CSMD1: variants seen among roughly 807,000 people sequenced by gnomAD.
CSMD1 encodes CUB and sushi domain-containing protein 1.
A neutral mutation model predicts 417.5 loss-of-function variants in CSMD1; 213 were observed. That is an observed-to-expected ratio of 0.51 (90% confidence interval 0.46 to 0.57). The LOEUF is 0.57. Ranked by LOEUF, CSMD1 falls within the 20% of genes least tolerant of loss-of-function variation. The pLI is 0.00. For synonymous variants in CSMD1, 2,862 were observed against 1,736.8 expected (o/e 1.65, Z -16.11); for missense variants, 6,923 against 4,529.7 (o/e 1.53, Z -15.17).
intron 3 of CSMD1, among the ~76,000 whole-genome samples, chr8:4,218,329 G>A (rs1036178438): frequency 6.6e-6 from 1 of 152,098 alleles, no homozygotes; most frequent in African/African-American, 2.4e-5. Flanking sequence ...ATTCATTAAT[G>A]CAGAATATTC....
rs555220463 is a variant in CSMD1, at chr8:2,945,758, A to C, written c.10403-3154T>G. 4.0e-5 allele frequency among the ~76,000 whole-genome samples: 6 copies of C among 151,656 alleles called. No individual in the cohort carries two copies. In the South Asian group the frequency reaches 6.3e-4, roughly 16 times the overall value. ...TCCTCTCTCATTGCCCTCCTTCCACACGTTATTATTGGTTCCTTGGCTGTT... is the reference window on the plus strand; with the variant it reads ...TCCTCTCTCATTGCCCTCCTTCCACCCGTTATTATTGGTTCCTTGGCTGTT... On this transcript the variant is annotated intron_variant, in intron 68 of 69. Transcript: ENST00000635120.
rs537792910 is a variant in CSMD1, at chr8:3,679,439, A to G, written c.1009+28975T>C. The stretch of plus-strand genomic sequence containing the variant: ...AACAAAGATCAAAAGAGACAAAGAA[A>G]GCCATTACGTAATGGTAAAGGGATC... On this transcript the variant is annotated intron_variant, in intron 7 of 69. Coordinates refer to ENST00000635120, the MANE Select transcript of CSMD1 (RefSeq NM_033225.6). Among the ~76,000 whole-genome samples the G allele has an allele frequency of 3.3e-5, 5 of 152,248 alleles. No individual in the cohort carries two copies. The East Asian group carries it at 5.8e-4, about 18-fold the overall frequency.
In CSMD1 at chr8:4,289,157, A is replaced by C. The variant is rs187554438; in HGVS notation, c.415+130796T>G. On this transcript the variant is annotated intron_variant, in intron 3 of 69. Transcript: ENST00000635120. The stretch of plus-strand genomic sequence containing the variant: ...TACAGTTCTTCTAACACCCGTTCTA[A>C]GACAGTGTATATTATATAACAGTTT... Among the ~76,000 whole-genome samples the C allele has an allele frequency of 1.7e-4, 26 of 152,324 alleles. No homozygotes were observed. The East Asian group carries it at 4.8e-3, about 28-fold the overall frequency.
At chr8:4,658,818 T>C (rs1804398723) in intron 1 of CSMD1, among the ~76,000 whole-genome samples, 1 of 152,134 alleles carries the variant, frequency 6.6e-6, no homozygotes, top group African/African-American at 2.4e-5. Flanking sequence ...GGTAACACAA[T>C]TTATGAGGAT....
intron 5 of CSMD1, among the ~76,000 whole-genome samples, chr8:3,765,564 A>T (rs1433070234): frequency 6.6e-6 from 1 of 152,238 alleles, no homozygotes; most frequent in African/African-American, 2.4e-5. Context: ...CTAAAGCCTT[A>T]ACAAGTCAAT....
chr8:3,224,104 G>A (rs1310496647), intron 27 of CSMD1, among the ~76,000 whole-genome samples: 1 of 152,094 alleles, frequency 6.6e-6, no homozygotes, highest in Non-Finnish European at 1.5e-5. Flanking sequence ...CATTTTCAAA[G>A]AGAATTTTCA....
chr8:4,126,871 C>G (rs1376569459), intron 3 of CSMD1, among the ~76,000 whole-genome samples: 1 of 152,106 alleles, frequency 6.6e-6, no homozygotes, highest in Non-Finnish European at 1.5e-5. Flanking sequence ...GTCCCAGGAC[C>G]ACAGCATCTG....
chr8:3,089,798 T>C (rs1814808583), intron 48 of CSMD1, among the ~76,000 whole-genome samples: 1 of 152,198 alleles, frequency 6.6e-6, no homozygotes, highest in Admixed American at 6.5e-5. Context: ...TGTATTCTTC[T>C]TCTCCCAATA....
chr8:4,360,908 G>C (rs989252446), intron 3 of CSMD1, among the ~76,000 whole-genome samples: 20 of 152,140 alleles, frequency 1.3e-4, no homozygotes, highest in African/African-American at 4.6e-4. Context: ...AGTAGAATTA[G>C]GCTTCTGATA....
chr8:3,268,553 T>C (rs1027449765), intron 26 of CSMD1, among the ~76,000 whole-genome samples: 2 of 152,104 alleles, frequency 1.3e-5, no homozygotes, highest in Non-Finnish European at 2.9e-5. Context: ...CCTAAAGTGC[T>C]GGGATTACAG....
chr8:4,453,969 C>G (rs1358535909), intron 2 of CSMD1, among the ~76,000 whole-genome samples: 2 of 151,400 alleles, frequency 1.3e-5, no homozygotes, highest in African/African-American at 4.9e-5. Flanking sequence ...CTACAGGCGC[C>G]CGCCACCGCG....
rs558916227 is a variant in CSMD1 at position 4,855,597 on chromosome 8, G to A, written c.85+138735C>T. Among the ~76,000 whole-genome samples the A allele has an allele frequency of 2.3e-3, 345 of 152,286 alleles. 1 individual carries two copies. The highest frequency in any genetic ancestry group is 7.9e-3 in the African/African-American group (327 of 41,562). On this transcript the variant is annotated intron_variant, in intron 1 of 69. Coordinates refer to ENST00000635120, the MANE Select transcript of CSMD1 (RefSeq NM_033225.6). ...AGCTGATGGAGCTGAAAACCAAGGC[G>A]CGAGAACTACGTGAAGAATGCAGAA...
chr8:3,943,652 G>A (rs1037325175), intron 5 of CSMD1, among the ~76,000 whole-genome samples: 2 of 151,944 alleles, frequency 1.3e-5, no homozygotes, highest in Non-Finnish European at 2.9e-5. Context: ...ACAATTAATA[G>A]GACAAGTCAA....
chr8:4,674,611 A>T (rs1363194680), intron 1 of CSMD1, among the ~76,000 whole-genome samples: 3 of 152,192 alleles, frequency 2.0e-5, no homozygotes, highest in African/African-American at 7.2e-5. Flanking sequence ...CAAATCAGGA[A>T]CACCAAGGAG....
chr8:3,393,653 G>A (rs1221803092), intron 17 of CSMD1, among the ~76,000 whole-genome samples: 3 of 152,026 alleles, frequency 2.0e-5, no homozygotes, highest in Non-Finnish European at 4.4e-5. Flanking sequence ...GGAATAGTAT[G>A]CAACCATAAA....
chr8:3,434,243 A>T (rs12334746), intron 12 of CSMD1, among the ~76,000 whole-genome samples: 45,253 of 152,050 alleles, frequency 0.3, 7,096 homozygotes, highest in East Asian at 0.57. Flanking sequence ...GTAAGGTACG[A>T]CTAAATCGTT....
At chr8:3,807,928 T>A (rs79490162) in intron 5 of CSMD1, among the ~76,000 whole-genome samples, 2,462 of 152,200 alleles carry the variant, frequency 0.016, 53 homozygotes, top group East Asian at 0.038. Context: ...TAAATTGTAA[T>A]TTTTGAGGCT....
At chr8:4,659,270 A>C (rs975139138) in intron 1 of CSMD1, among the ~76,000 whole-genome samples, 4 of 75,168 alleles carry the variant, frequency 5.3e-5, no homozygotes, top group Non-Finnish European at 8.9e-5. Flanking sequence ...AAAGAAGAAA[A>C]GATCAATTAA....
chr8:4,623,656 T>A (rs948464607), intron 2 of CSMD1, among the ~76,000 whole-genome samples: 4 of 152,184 alleles, frequency 2.6e-5, no homozygotes, highest in Non-Finnish European at 5.9e-5. Flanking sequence ...ATAAAAAATG[T>A]ACCATTTTTA....
Sources: allele counts gnomAD v4.1 joint callset (sites outside exome capture counted in the v4.1 genomes callset), GRCh38; gene constraint gnomAD v4.1.1; transcripts MANE v1.5; gene names NCBI Gene and HGNC (gene_info 2026-07-23, HGNC 2026-07-21).